Variants in GGA2 observed in about 807,000 individuals in gnomAD.
GGA2 encodes ADP-ribosylation factor-binding protein GGA2.
A neutral mutation model predicts 79.5 loss-of-function variants in GGA2; 48 were observed. The observed-to-expected ratio is 0.60, with a 90% CI of 0.48 to 0.77. The LOEUF is 0.77. Among genes scored for constraint, GGA2 ranks in the 30% least tolerant of loss-of-function variants. The pLI, the probability that GGA2 is intolerant of heterozygous loss-of-function variation, is 0.00. For synonymous variants in GGA2, 317 were observed against 302.0 expected (o/e 1.05, Z -0.51); for missense variants, 770 against 774.0 (o/e 0.99, Z 0.06).
intron 10 of GGA2, chr16:23,480,098 A>C: frequency 3.7e-6 from 2 of 538,840 alleles, no homozygotes; most frequent in Non-Finnish European, 6.7e-6. Flanking sequence ...TTCCTACCCC[A>C]GGGATCATAG....
intron 5 of GGA2, 69 bp from the exon 6 acceptor site, chr16:23,488,778 A>G (rs1964747086): frequency 1.2e-6 from 1 of 867,398 alleles, no homozygotes; most frequent in South Asian, 1.4e-5. Flanking sequence ...AATCCAGTAT[A>G]AAGTCTGGAA....
chr16:23,497,523 G>A (rs947445977), intron 1 of GGA2, among the ~76,000 whole-genome samples: 1 of 152,122 alleles, frequency 6.6e-6, no homozygotes, highest in Non-Finnish European at 1.5e-5. Context: ...CCTGCCCACT[G>A]ACTCCATTCT....
intron 2 of GGA2, chr16:23,519,546 G>A: frequency 2.6e-6 from 1 of 386,238 alleles, no homozygotes; most frequent in Admixed American, 3.1e-5. Context: ...GTGGAATATT[G>A]GTTATTTAAT....
At chr16:23,501,297 T>A in intron 1 of GGA2, 1 of 456,846 alleles carries the variant, frequency 2.2e-6, no homozygotes, top group Non-Finnish European at 4.4e-6. Flanking sequence ...AAAAAGATTG[T>A]CCTTGGAGCC....
intron 14 of GGA2, among the ~76,000 whole-genome samples, chr16:23,471,639 C>A (rs1964512571): frequency 6.6e-6 from 1 of 152,192 alleles, no homozygotes; most frequent in East Asian, 1.9e-4. Context: ...GTGTCTCATG[C>A]CTGTAATCCC....
intron 14 of GGA2, among the ~76,000 whole-genome samples, chr16:23,474,637 A>G (rs1964553983): frequency 6.6e-6 from 1 of 151,772 alleles, no homozygotes; most frequent in Non-Finnish European, 1.5e-5. Flanking sequence ...TTCCCCCCCA[A>G]ATAGAGACAA....
intron 1 of GGA2, among the ~76,000 whole-genome samples, chr16:23,500,297 A>G (rs1241594183): frequency 1.3e-5 from 2 of 152,238 alleles, no homozygotes; most frequent in Admixed American, 1.3e-4. Context: ...GGAAGGCCCA[A>G]GCTACCGGAG....
chr16:23,500,636 T>C (rs1441904404), intron 1 of GGA2, among the ~76,000 whole-genome samples: 1 of 152,070 alleles, frequency 6.6e-6, no homozygotes, highest in Non-Finnish European at 1.5e-5. Context: ...AGATGGAACA[T>C]ACTGCTCCCC....
At chr16:23,478,037 TAAA>T (rs373374099) in intron 13 of GGA2, among the ~76,000 whole-genome samples, 2 of 140,026 alleles carry the variant, frequency 1.4e-5, no homozygotes, top group African/African-American at 2.6e-5. Context: ...TACTAAAAAT[TAAA>T]AAAAAAAAAT....
chr16:23,493,512 C>T, intron 3 of GGA2, 54 bp from the exon 4 acceptor site: 1 of 1,129,620 alleles, frequency 8.9e-7, no homozygotes, highest in Non-Finnish European at 1.4e-6. Flanking sequence ...GTCCCAGGCT[C>T]CCCTCCAGGC....
At chr16:23,469,239 G>C (rs1229710795) in intron 15 of GGA2, 4 of 398,958 alleles carry the variant, frequency 1.0e-5, no homozygotes, top group Non-Finnish European at 1.4e-5. Context: ...TCAATAACCG[G>C]CATCTGAGAC....
At position 23,465,509 on chromosome 16, in the gene GGA2, C is replaced by T. The variant is rs1964424588; in HGVS notation, c.*2081G>A. 4.4e-6 allele frequency: 3 copies of T among 681,756 alleles called. No individual in the cohort carries two copies. Among genetic ancestry groups the T allele is most frequent in the Non-Finnish European group, 8.0e-6 (3 of 374,260 alleles). 42.2% of individuals were successfully genotyped at this position (681,756 alleles called of 1,614,324 possible). A position where few individuals can be genotyped will look rare whatever the true frequency, so the allele number is the denominator to read the frequency against. On this transcript the variant is annotated 3_prime_UTR_variant, in exon 17 of 17. Transcript: ENST00000309859. ...GTTCAGGTACACATGTGTGAGTTCA[C>T]CTCCTAACTATAGGGGAGAAAGCCT...
chr16:23,494,010 A>G (rs1964823054), intron 3 of GGA2: 2 of 442,238 alleles, frequency 4.5e-6, no homozygotes, highest in South Asian at 5.7e-5. Context: ...TGCCCTCTCT[A>G]GAAAAGGCAC....
rs34972165 is a variant in GGA2 at position 23,473,330 on chromosome 16, CTTTTTTTTTTTTTT to C, written c.1450+1560_1450+1573del. ...GTATAGATGATTTTACTTTTCTAGT[CTTTTTTTTTTTTTT>C]TTTTTTTTTTTTAGACAGAGTCTTC... On this transcript the variant is annotated intron_variant, in intron 14 of 16. Coordinates refer to ENST00000309859, the MANE Select transcript of GGA2 (RefSeq NM_015044.4). 2.8e-5 allele frequency among the ~76,000 whole-genome samples: 2 copies of C among 70,692 alleles called. 1 individual carries two copies. The highest frequency in any genetic ancestry group is 1.1e-3 in the East Asian group (2 of 1,770). 46.4% of individuals were successfully genotyped at this position (70,692 alleles called of 152,430 possible).
rs1051931491 is a variant in GGA2, at chr16:23,465,567, G to A, written c.*2023C>T. The A allele has an allele frequency of 6.5e-6, 4 of 616,268 alleles. No homozygotes were observed. Among genetic ancestry groups the A allele is most frequent in the Non-Finnish European group, 1.2e-5 (4 of 343,588 alleles). 38.2% of individuals were successfully genotyped at this position (616,268 alleles called of 1,614,324 possible). A position where few individuals can be genotyped will look rare whatever the true frequency, so the allele number is the denominator to read the frequency against. On this transcript the variant is annotated 3_prime_UTR_variant, in exon 17 of 17. Transcript: ENST00000309859. ...TGTATAAGTCTCATTCACCCATTTT[G>A]ACCAAAACCCTTCAGAGGGAGATGC...
At position 23,495,590 on chromosome 16, in the gene GGA2, C is replaced by T. The variant is rs562095169; in HGVS notation, c.176+104G>A. On this transcript the variant is annotated intron_variant, in intron 2 of 16. Transcript: ENST00000309859. The stretch of plus-strand genomic sequence containing the variant: ...GGGATTATAGGCATGAGCCACCGAT[C>T]CTTGCCTAGAGAGCTTAACCCTAAA... The T allele has an allele frequency of 5.2e-6, 3 of 571,848 alleles. No homozygotes were observed. The Admixed American group carries it at 9.1e-5, about 17-fold the overall frequency. The allele number at this position is 571,848 out of a possible 1,614,324, so 35.4% of individuals were successfully genotyped here. A position where few individuals can be genotyped will look rare whatever the true frequency, so the allele number is the denominator to read the frequency against.
chr16:23,478,225 C>CAAA (rs111229895), intron 13 of GGA2, 143 bp downstream of exon 13: 45 of 470,580 alleles, frequency 9.6e-5, no homozygotes, highest in Admixed American at 1.6e-4. Context: ...GAAAAAAAGA[C>CAAA]AAAAAAAAAA....
chr16:23,480,436 A>G, intron 10 of GGA2: 1 of 509,288 alleles, frequency 2.0e-6, no homozygotes, highest in Non-Finnish European at 3.5e-6. Flanking sequence ...TTTTGTGTGT[A>G]GTCAAAGCTG....
At chr16:23,509,061 T>C (rs1309992516) in intron 1 of GGA2, among the ~76,000 whole-genome samples, 1 of 152,190 alleles carries the variant, frequency 6.6e-6, no homozygotes, top group Admixed American at 6.5e-5. Flanking sequence ...CCGCTCTCCC[T>C]GCCTGAAGTC....
Sources: gnomAD v4.1 joint callset for allele counts (sites outside exome capture counted in the v4.1 genomes callset) on GRCh38, gnomAD v4.1.1 for gene constraint, MANE v1.5 for transcripts, NCBI Gene and HGNC (gene_info 2026-07-23, HGNC 2026-07-21) for gene names.